KMT2C: variants seen among roughly 807,000 people sequenced by gnomAD.
KMT2C encodes the protein lysine methyltransferase 2C, also known as histone-lysine N-methyltransferase 2C.
KMT2C carries 88 observed loss-of-function variants against 507.9 expected under a neutral mutation model. The ratio of observed to expected loss-of-function variants is 0.17; its 90% confidence interval spans 0.15 to 0.21. The LOEUF is 0.21. Ranked by LOEUF, KMT2C falls within the 10% of genes least tolerant of loss-of-function variation. KMT2C has a pLI of 1.00. For missense variants in KMT2C, 4,954 were observed against 5,957.8 expected (o/e 0.83, Z 5.55); for synonymous variants, 2,049 against 2,080.8 (o/e 0.98, Z 0.42).
intron 27 of KMT2C, among the ~76,000 whole-genome samples, chr7:152,198,212 A>G (rs2094021812): frequency 6.6e-6 from 1 of 152,222 alleles, no homozygotes; most frequent in African/African-American, 2.4e-5. Flanking sequence ...GATTGAACAA[A>G]CAAGAAGCAT....
chr7:152,280,187 A>G lies in KMT2C; in HGVS notation c.850-6320T>C, dbSNP rs1417974838. ...ATCTTTGAAGATAAAAAGAGCCACG[A>G]GGAAAAACCAAAGAGTGGCCTCTAG... On this transcript the variant is annotated intron_variant, in intron 6 of 58. Coordinates refer to ENST00000262189, the MANE Select transcript of KMT2C (RefSeq NM_170606.3). 2.0e-5 allele frequency among the ~76,000 whole-genome samples: 3 copies of G among 152,232 alleles called. No homozygotes were observed. The East Asian group carries it at 5.8e-4, about 29-fold the overall frequency.
chr7:152,263,198 G>A, intron 8 of KMT2C, 68 bp from the exon 9 acceptor site: 1 of 1,363,960 alleles, frequency 7.3e-7, no homozygotes, highest in South Asian at 1.2e-5. Context: ...AAGTAATCAT[G>A]AAAATAATCA....
Position 152,138,222 on chromosome 7 carries a change from C to T in KMT2C, c.14643+574G>A, listed in dbSNP as rs2090106282. 1.3e-5 allele frequency: 2 copies of T among 152,578 alleles called. No homozygotes were observed. The highest frequency in any genetic ancestry group is 4.8e-5 in the African/African-American group (2 of 41,470). The allele number at this position is 152,578 out of a possible 1,614,324, so 9.5% of individuals were successfully genotyped here. On this transcript the variant is annotated intron_variant, in intron 58 of 58. Transcript: ENST00000262189. This position sits in a 1 kb window ranked among gnomAD's most constrained non-coding sequence, Gnocchi z 4.2. The stretch of plus-strand genomic sequence containing the variant: ...TGGGTGAGCCGCCGGACCAGAGTCA[C>T]CTCTGAGAGCACGGAGACAAACAGC...
In KMT2C at chr7:152,199,415, G is replaced by C. The variant is rs140521938; in HGVS notation, c.4137C>G (p.Ser1379Arg). The change falls in exon 27 of 59, where the codon AGC becomes AGG. Residue 1379 changes from serine (S) to arginine (R), a missense_variant. Physicochemically the swap from Ser to Arg is moderately radical, Grantham distance 110. Around this residue, in one of 29 missense-constraint regions of KMT2C, gnomAD observed 140 missense variants for 118.4 expected, o/e 1.18. Transcript: ENST00000262189. ...GKDLLDTSRQ[S>R]KISLDNLSED... ...CTGACAGATTATCTAAACTTATCTTGCTTTGTCTACTTGTATCTAGAAGAT... is the reference window on the plus strand; with the variant it reads ...CTGACAGATTATCTAAACTTATCTTCCTTTGTCTACTTGTATCTAGAAGAT... 6.3e-7 allele frequency: 1 copy of C among 1,589,716 alleles called. No homozygotes were observed. The highest frequency in any genetic ancestry group is 8.5e-7 in the Non-Finnish European group (1 of 1,171,640).
At chr7:152,381,015 A>T (rs1411138646) in intron 1 of KMT2C, among the ~76,000 whole-genome samples, 3 of 152,292 alleles carry the variant, frequency 2.0e-5, no homozygotes, top group Non-Finnish European at 4.4e-5. Context: ...TACTGGGAAA[A>T]AATAGCCTCC....
rs1554583644 is a variant in KMT2C at position 152,255,118 on chromosome 7, T to TATATAC, written c.1300-2404_1300-2403insGTATAT. ...GTCAATCAACTCTCACTTATATATA[T>TATATAC]ATATATATATATATATATATATATA... On this transcript the variant is annotated intron_variant, in intron 9 of 58. Transcript: ENST00000262189. Among the ~76,000 whole-genome samples, 56 of 97,712 alleles carry TATATAC rather than the reference T, an allele frequency of 5.7e-4. 1 individual carries two copies. Among genetic ancestry groups the TATATAC allele is most frequent in the Non-Finnish European group, 7.5e-4 (42 of 55,870 alleles). 64.1% of individuals were successfully genotyped at this position (97,712 alleles called of 152,430 possible).
chr7:152,330,930 T>C (rs2096876755), intron 2 of KMT2C, among the ~76,000 whole-genome samples, 191 bp from the exon 3 acceptor site: 1 of 152,196 alleles, frequency 6.6e-6, no homozygotes, highest in Non-Finnish European at 1.5e-5. Flanking sequence ...GCAAAATGAT[T>C]ATCAAAATAA....
intron 2 of KMT2C, among the ~76,000 whole-genome samples, chr7:152,358,028 T>G (rs2097166692): frequency 6.6e-6 from 1 of 152,202 alleles, no homozygotes; most frequent in African/African-American, 2.4e-5. Context: ...TCCTAGTCCC[T>G]TTGATAACTT....
intron 6 of KMT2C, among the ~76,000 whole-genome samples, chr7:152,298,860 G>A (rs539458550): frequency 7.9e-5 from 12 of 152,326 alleles, no homozygotes; most frequent in Admixed American, 3.3e-4. Flanking sequence ...CAAAGTGCAC[G>A]AGGGAGGAAA....
intron 1 of KMT2C, among the ~76,000 whole-genome samples, chr7:152,431,206 G>A (rs868003653): frequency 4.6e-5 from 7 of 151,368 alleles, no homozygotes; most frequent in Non-Finnish European, 7.4e-5. Context: ...TATGTAAATT[G>A]GTAAGTTTAC....
At position 152,176,784 on chromosome 7, in the gene KMT2C, C is replaced by G. The variant is rs144267618; in HGVS notation, c.8669G>C (p.Ser2890Thr). The change falls in exon 38 of 59, where the codon AGT (serine) becomes ACT (threonine). Residue 2890 changes from serine (S) to threonine (T), a missense_variant. Ser to Thr is a moderately conservative substitution (Grantham distance 58). This residue lies in a region of KMT2C where 1,689 missense variants were observed against 1,654.3 expected (regional missense o/e 1.02). Coordinates refer to ENST00000262189, the MANE Select transcript of KMT2C (RefSeq NM_170606.3). ...AGTGGATGCCTGAATGACATTTGCA[C>G]TGGGGCCAGCAGTTTCTCGATTGGT... The part of the protein sequence containing the change: ...KRTNRETAGP[S>T]ANVIQASTQL... The G allele has an allele frequency of 5.6e-6, 9 of 1,614,164 alleles. No homozygotes were observed. The African/African-American group carries it at 1.2e-4, about 22-fold the overall frequency.
At chr7:152,358,249 T>C (rs1443732788) in intron 2 of KMT2C, among the ~76,000 whole-genome samples, 1 of 152,204 alleles carries the variant, frequency 6.6e-6, no homozygotes, top group Non-Finnish European at 1.5e-5. Context: ...AAATAAGCTT[T>C]AAACAAACAC....
intron 6 of KMT2C, among the ~76,000 whole-genome samples, chr7:152,307,195 GAGGAAGGA>G (rs565184971): frequency 0.1 from 6,697 of 64,750 alleles, 302 homozygotes; most frequent in Middle Eastern, 0.14. Flanking sequence ...AAAGAAGAGG[GAGGAAGGA>G]AGGAAGGAAG....
chr7:152,253,806 G>C (rs959743221), intron 9 of KMT2C, among the ~76,000 whole-genome samples: 5 of 152,112 alleles, frequency 3.3e-5, no homozygotes, highest in East Asian at 1.9e-4. Context: ...AGAATAGAGA[G>C]AGTGTCCTAT....
intron 38 of KMT2C, 106 bp from the exon 39 acceptor site, chr7:152,174,348 T>C: frequency 1.6e-6 from 1 of 609,844 alleles, no homozygotes; most frequent in South Asian, 2.4e-5. Context: ...TTAATAATCA[T>C]TACAGATTTC....
chr7:152,181,820 C>T lies in KMT2C; in HGVS notation c.6040G>A (p.Ala2014Thr), dbSNP rs776553378. Reference sequence around the variant, plus strand: ...ATCCTTTGTCTTTGAAACACATCTGCCCTAGGAGATGGTTTAGTAAAGTGA... The same window carrying T: ...ATCCTTTGTCTTTGAAACACATCTGTCCTAGGAGATGGTTTAGTAAAGTGA... ...SDHFTKPSPR[A>T]DVFQRQRIPD... The change falls in exon 36 of 59, where the codon GCA becomes ACA. Residue 2014 changes from alanine to threonine, a missense_variant. Transcript: ENST00000262189. 3.1e-6 allele frequency: 5 copies of T among 1,614,062 alleles called. No individual in the cohort carries two copies. Among genetic ancestry groups the T allele is most frequent in the Middle Eastern group, 1.6e-4 (1 of 6,062 alleles).
rs574444806 is a variant in KMT2C, at chr7:152,239,597, T to C, written c.2533-771A>G. On this transcript the variant is annotated intron_variant, in intron 14 of 58. Transcript: ENST00000262189. The stretch of plus-strand genomic sequence containing the variant: ...AAGTAGTATCTTATTAAAATCTATA[T>C]AACTAAAACTAAAGCATTTTACTTC... Among the ~76,000 whole-genome samples, 35 of 152,330 alleles carry C rather than the reference T, an allele frequency of 2.3e-4. 2 individuals carry two copies. The South Asian group carries it at 7.2e-3, about 32-fold the overall frequency.
chr7:152,234,349 T>C (rs2095216839), intron 16 of KMT2C, among the ~76,000 whole-genome samples: 1 of 151,594 alleles, frequency 6.6e-6, no homozygotes, highest in Admixed American at 6.6e-5. Flanking sequence ...GCCATTGCAC[T>C]CCAGCCTAGG....
chr7:152,414,017 C>G (rs552694930), intron 1 of KMT2C, among the ~76,000 whole-genome samples: 2 of 152,118 alleles, frequency 1.3e-5, no homozygotes, highest in Non-Finnish European at 2.9e-5. Context: ...CGAGACCAGC[C>G]TGACCAACAT....
Sources: allele counts gnomAD v4.1 joint callset (sites outside exome capture counted in the v4.1 genomes callset), GRCh38; gene constraint gnomAD v4.1.1; regional missense constraint gnomAD v4.1.1; non-coding constraint Gnocchi (gnomAD v3.1); transcripts MANE v1.5; gene names NCBI Gene and HGNC (gene_info 2026-07-23, HGNC 2026-07-21).